Variants in FOXP2 observed in about 807,000 individuals in gnomAD.
FOXP2 encodes the protein forkhead box P2, also known as forkhead box protein P2.
In FOXP2, 12 loss-of-function variants were observed where a neutral mutation model predicts 115.8. That is an observed-to-expected ratio of 0.10 (90% CI 0.07 to 0.17). The LOEUF is 0.17. Ranked by LOEUF, FOXP2 falls within the 10% of genes least tolerant of loss-of-function variation. The pLI is 1.00. For synonymous variants in FOXP2, 328 were observed against 297.7 expected (o/e 1.10, Z -1.05); for missense variants, 629 against 843.5 (o/e 0.75, Z 3.15).
intron 1 of FOXP2, among the ~76,000 whole-genome samples, chr7:114,101,899 T>G (rs1042532919): frequency 3.5e-5 from 5 of 142,410 alleles, no homozygotes; most frequent in African/African-American, 1.3e-4. Context: ...CTTCAACATT[T>G]TGTGTGTGTG....
intron 1 of FOXP2, among the ~76,000 whole-genome samples, chr7:114,166,419 T>C (rs1792982414): frequency 1.3e-5 from 2 of 152,070 alleles, no homozygotes; most frequent in Admixed American, 1.3e-4. Context: ...TAAGAAAACA[T>C]ATGGCCAGGT....
intron 2 of FOXP2, among the ~76,000 whole-genome samples, chr7:114,349,925 A>C (rs1791440302): frequency 6.6e-6 from 1 of 152,076 alleles, no homozygotes; most frequent in African/African-American, 2.4e-5. Context: ...TCAAAGAATG[A>C]CCATAGTTGG....
At chr7:114,573,188 C>T (rs7788346) in intron 3 of FOXP2, among the ~76,000 whole-genome samples, 12,351 of 151,730 alleles carry the variant, frequency 0.081, 1,050 homozygotes, top group East Asian at 0.23. Context: ...AATGGGGCTT[C>T]TTGACTTCAC....
At chr7:114,134,234 T>C (rs1286683416) in intron 1 of FOXP2, among the ~76,000 whole-genome samples, 1 of 152,114 alleles carries the variant, frequency 6.6e-6, no homozygotes. Flanking sequence ...TGTTGGTGAA[T>C]TGGTGAATAT....
intron 1 of FOXP2, among the ~76,000 whole-genome samples, chr7:114,254,608 G>A (rs546390110): frequency 8.0e-4 from 121 of 152,192 alleles, no homozygotes; most frequent in South Asian, 5.6e-3. Flanking sequence ...TTGGGCATTC[G>A]TCACGTAGTT....
Position 114,690,122 on chromosome 7 carries a change from T to A in FOXP2, c.*196T>A. 2 of 604,718 alleles carry A rather than the reference T, an allele frequency of 3.3e-6. No homozygotes were observed. The highest frequency in any genetic ancestry group is 2.9e-6 in the Non-Finnish European group (1 of 344,452). 37.5% of individuals were successfully genotyped at this position (604,718 alleles called of 1,614,324 possible). On this transcript the variant is annotated 3_prime_UTR_variant, in exon 17 of 17. Coordinates refer to ENST00000350908, the MANE Select transcript of FOXP2 (RefSeq NM_014491.4). Reference sequence around the variant, plus strand: ...GGCAAATTGCTTGTTTTCTTCTTCTTCTTCTTCTTTTTTTTTTTTTTTTTA... The same window carrying A: ...GGCAAATTGCTTGTTTTCTTCTTCTACTTCTTCTTTTTTTTTTTTTTTTTA...
chr7:114,692,093 G>C lies in FOXP2; in HGVS notation c.*2167G>C, dbSNP rs1252129613. 6.6e-6 allele frequency: 3 copies of C among 453,960 alleles called. No individual in the cohort carries two copies. The highest frequency in any genetic ancestry group is 6.0e-5 in the African/African-American group (3 of 50,084). The allele number at this position is 453,960 out of a possible 1,614,324, so 28.1% of individuals were successfully genotyped here. On this transcript the variant is annotated 3_prime_UTR_variant, in exon 17 of 17. Coordinates refer to ENST00000350908, the MANE Select transcript of FOXP2 (RefSeq NM_014491.4). The stretch of plus-strand genomic sequence containing the variant: ...CAATATGGTATTAAAAGAAAGATGG[G>C]TATGGTGAAAGATGGTTTTCAGTCA...
rs148086519 is a variant in FOXP2 at position 114,527,914 on chromosome 7, C to T, written c.169-6703C>T. 1.1e-4 allele frequency among the ~76,000 whole-genome samples: 17 copies of T among 152,170 alleles called. No individual in the cohort carries two copies. The East Asian group carries it at 2.3e-3, about 21-fold the overall frequency. On this transcript the variant is annotated intron_variant, in intron 2 of 16. Coordinates refer to ENST00000350908, the MANE Select transcript of FOXP2 (RefSeq NM_014491.4). ...CTTATCTCTTATTTGGACAGTTGCA[C>T]GTACGTTTTTACAAGTCTTTATACC...
chr7:114,172,963 C>T (rs1793186532), intron 1 of FOXP2, among the ~76,000 whole-genome samples: 1 of 151,926 alleles, frequency 6.6e-6, no homozygotes, highest in East Asian at 1.9e-4. Flanking sequence ...TGTCTATTTC[C>T]ATATATTTAA....
At chr7:114,125,575 G>A (rs1398097537) in intron 1 of FOXP2, among the ~76,000 whole-genome samples, 2 of 152,068 alleles carry the variant, frequency 1.3e-5, no homozygotes, top group Non-Finnish European at 2.9e-5. Context: ...GGAACTCAGA[G>A]ATCTTAAAAA....
Position 114,357,591 on chromosome 7 carries a change from G to C in FOXP2, c.-10-68911G>C, listed in dbSNP as rs544597544. 3.9e-5 allele frequency among the ~76,000 whole-genome samples: 6 copies of C among 152,194 alleles called. No homozygotes were observed. In the East Asian group the frequency reaches 9.7e-4, roughly 25 times the overall value. On this transcript the variant is annotated intron_variant, in intron 2 of 17. Transcript: ENST00000634411. ...ACACGGTTCTTTGGCCACCTCTTAG[G>C]AGAGAAAGCTTTCCCAGAAACTGGA...
At chr7:114,275,076 T>G (rs1161898536) in intron 1 of FOXP2, among the ~76,000 whole-genome samples, 1 of 152,082 alleles carries the variant, frequency 6.6e-6, no homozygotes, top group Non-Finnish European at 1.5e-5. Flanking sequence ...CTTTATTTTT[T>G]CAGGACTTTT....
At chr7:114,356,108 C>A (rs117705237) in intron 2 of FOXP2, among the ~76,000 whole-genome samples, 5 of 152,060 alleles carry the variant, frequency 3.3e-5, no homozygotes, top group African/African-American at 1.2e-4. Context: ...GGCTTTCCCC[C>A]GTAGAAAGGC....
intron 3 of FOXP2, among the ~76,000 whole-genome samples, chr7:114,625,421 A>G (rs1309893038): frequency 6.6e-6 from 1 of 151,828 alleles, no homozygotes; most frequent in Non-Finnish European, 1.5e-5. Flanking sequence ...CCGTTAGTCT[A>G]ACACCGAACT....
At chr7:114,436,836 T>C (rs1216025772) in intron 2 of FOXP2, among the ~76,000 whole-genome samples, 2 of 152,076 alleles carry the variant, frequency 1.3e-5, no homozygotes, top group African/African-American at 4.8e-5. Context: ...AGAAGTTAGC[T>C]AGATCAAAGT....
intron 1 of FOXP2, among the ~76,000 whole-genome samples, chr7:114,152,232 T>A (rs996684834): frequency 1.3e-5 from 2 of 152,286 alleles, no homozygotes; most frequent in East Asian, 3.9e-4. Flanking sequence ...ACATTATCTA[T>A]TGAATACATA....
intron 3 of FOXP2, among the ~76,000 whole-genome samples, chr7:114,588,890 A>G (rs1242950901): frequency 6.6e-6 from 1 of 152,198 alleles, no homozygotes. Flanking sequence ...TTTATCAACT[A>G]TAGATAGAAT....
chr7:114,395,133 A>G (rs1194555509), intron 2 of FOXP2, among the ~76,000 whole-genome samples: 20 of 152,200 alleles, frequency 1.3e-4, no homozygotes, highest in Admixed American at 1.3e-3. Context: ...TGACTATGAC[A>G]GTATTTTCCC....
intron 2 of FOXP2, among the ~76,000 whole-genome samples, chr7:114,441,595 T>C (rs891517042): frequency 1.3e-5 from 2 of 152,212 alleles, no homozygotes; most frequent in African/African-American, 2.4e-5. Context: ...ATATATTCTA[T>C]TCAAATAAGC....
Sources: gnomAD v4.1 joint callset for allele counts (sites outside exome capture counted in the v4.1 genomes callset) on GRCh38, gnomAD v4.1.1 for gene constraint, MANE v1.5 for transcripts, NCBI Gene and HGNC (gene_info 2026-07-23, HGNC 2026-07-21) for gene names.